Variants in PTPRD observed in about 807,000 individuals in gnomAD.
PTPRD encodes the protein receptor-type tyrosine-protein phosphatase delta.
In PTPRD, 34 loss-of-function variants were observed where a neutral mutation model predicts 214.5. That is an observed-to-expected ratio of 0.16 (90% CI 0.12 to 0.21). The LOEUF (loss-of-function observed/expected upper bound fraction) is 0.21, where lower values mean the gene tolerates loss of function less well. Ranked by LOEUF, PTPRD falls within the 10% of genes least tolerant of loss-of-function variation. The pLI, the probability that PTPRD is intolerant of heterozygous loss-of-function variation, is 1.00. For missense variants in PTPRD, 2,545 were observed against 2,398.7 expected (o/e 1.06, Z -1.27); for synonymous variants, 1,128 against 845.7 (o/e 1.33, Z -5.79).
At chr9:9,685,980 C>T (rs190282748) in intron 7 of PTPRD, among the ~76,000 whole-genome samples, 13 of 151,208 alleles carry the variant, frequency 8.6e-5, no homozygotes, top group Middle Eastern at 3.4e-3. Flanking sequence ...GTATTGGTAA[C>T]TGAAAAAATC....
chr9:9,590,269 T>G (rs1393385818), intron 7 of PTPRD, among the ~76,000 whole-genome samples: 1 of 152,028 alleles, frequency 6.6e-6, no homozygotes, highest in Non-Finnish European at 1.5e-5. Flanking sequence ...TATGACAGAA[T>G]GTGAGCTCCT....
intron 7 of PTPRD, among the ~76,000 whole-genome samples, chr9:9,641,701 ACAGGAT>A (rs1192723103): frequency 6.6e-6 from 1 of 152,228 alleles, no homozygotes; most frequent in East Asian, 1.9e-4. Context: ...GGAATTTTTA[ACAGGAT>A]CCATTTAGGA....
At chr9:10,355,441 A>C (rs1378555603) in intron 2 of PTPRD, among the ~76,000 whole-genome samples, 3 of 151,772 alleles carry the variant, frequency 2.0e-5, no homozygotes, top group Middle Eastern at 3.2e-3. Context: ...CTTCTGTTCT[A>C]TAGACGACAC....
chr9:9,229,854 TAGGA>T (rs1234345096), intron 9 of PTPRD, among the ~76,000 whole-genome samples: 1 of 152,110 alleles, frequency 6.6e-6, no homozygotes, highest in African/African-American at 2.4e-5. Flanking sequence ...CATATTTGGT[TAGGA>T]AGACTGATAG....
At chr9:9,254,153 G>A (rs1392260006) in intron 9 of PTPRD, among the ~76,000 whole-genome samples, 2 of 152,036 alleles carry the variant, frequency 1.3e-5, no homozygotes, top group Non-Finnish European at 2.9e-5. Context: ...CCAAATAAGT[G>A]ATATTAATAG....
intron 44 of PTPRD, among the ~76,000 whole-genome samples, 188 bp from the exon 45 acceptor site, chr9:8,320,154 A>G (rs1232897786): frequency 6.6e-6 from 1 of 152,140 alleles, no homozygotes; most frequent in Non-Finnish European, 1.5e-5. Flanking sequence ...AGCATGTGAT[A>G]ATGAGGATGA....
intron 3 of PTPRD, among the ~76,000 whole-genome samples, chr9:10,228,168 G>A (rs533218581): frequency 6.6e-6 from 1 of 151,912 alleles, no homozygotes; most frequent in Non-Finnish European, 1.5e-5. Flanking sequence ...ATAAAATCTT[G>A]GAACACAACT....
chr9:10,323,043 A>T (rs759087405), intron 3 of PTPRD, among the ~76,000 whole-genome samples: 10 of 152,062 alleles, frequency 6.6e-5, no homozygotes, highest in Non-Finnish European at 1.2e-4. Flanking sequence ...CTATTGAAGA[A>T]ACTATTGCTT....
chr9:10,018,096 G>C (rs910602433), intron 4 of PTPRD, among the ~76,000 whole-genome samples: 6 of 151,824 alleles, frequency 4.0e-5, no homozygotes, highest in African/African-American at 1.5e-4. Flanking sequence ...TAGATTATTA[G>C]GTTATGAAAT....
At chr9:8,386,273 G>A (rs2087000484) in intron 37 of PTPRD, among the ~76,000 whole-genome samples, 1 of 152,128 alleles carries the variant, frequency 6.6e-6, no homozygotes, top group Non-Finnish European at 1.5e-5. Context: ...TCCCATAGCT[G>A]TCCTCTCTCA....
At chr9:8,936,551 T>C (rs751196099) in intron 11 of PTPRD, among the ~76,000 whole-genome samples, 1 of 152,010 alleles carries the variant, frequency 6.6e-6, no homozygotes, top group Non-Finnish European at 1.5e-5. Flanking sequence ...ATAATTGGTT[T>C]AGTTTTCAGT....
intron 3 of PTPRD, among the ~76,000 whole-genome samples, chr9:10,281,554 T>G (rs1296027265): frequency 2.6e-5 from 4 of 152,172 alleles, no homozygotes; most frequent in Non-Finnish European, 5.9e-5. Context: ...GGCATTTTAA[T>G]TTTTTTACTT....
At chr9:8,444,403 T>A (rs2095650031) in intron 34 of PTPRD, among the ~76,000 whole-genome samples, 1 of 152,154 alleles carries the variant, frequency 6.6e-6, no homozygotes, top group Non-Finnish European at 1.5e-5. Flanking sequence ...TACTCTATAT[T>A]ATATCATTTA....
intron 8 of PTPRD, among the ~76,000 whole-genome samples, chr9:9,455,483 T>C (rs1569568484): frequency 6.6e-6 from 1 of 151,630 alleles, no homozygotes; most frequent in South Asian, 2.1e-4. Context: ...ACAGGTTAAA[T>C]AAGAGATCTG....
Position 9,595,477 on chromosome 9 carries a change from T to C in PTPRD, c.-286-20696A>G, listed in dbSNP as rs530946194. Among the ~76,000 whole-genome samples, 16 of 150,668 alleles carry C rather than the reference T, an allele frequency of 1.1e-4. 1 individual carries two copies. Among genetic ancestry groups the C allele is most frequent in the African/African-American group, 3.4e-4 (14 of 41,082 alleles). The stretch of plus-strand genomic sequence containing the variant: ...ACATGTACGCATATGTACACATGCA[T>C]ACACATGTATGCATATGTACACATG... On this transcript the variant is annotated intron_variant, in intron 7 of 45. Transcript: ENST00000381196.
chr9:9,016,330 G>A (rs1384402528), intron 11 of PTPRD, among the ~76,000 whole-genome samples: 1 of 152,034 alleles, frequency 6.6e-6, no homozygotes, highest in Non-Finnish European at 1.5e-5. Context: ...TAATATACAT[G>A]GGCTGTGGAA....
chr9:9,499,632 G>A (rs763422201), intron 8 of PTPRD, among the ~76,000 whole-genome samples: 8 of 151,978 alleles, frequency 5.3e-5, no homozygotes, highest in Non-Finnish European at 1.2e-4. Context: ...TGGTATATGG[G>A]CAAACATTCT....
chr9:9,852,955 A>G (rs2153669280), intron 5 of PTPRD, among the ~76,000 whole-genome samples: 1 of 152,300 alleles, frequency 6.6e-6, no homozygotes, highest in East Asian at 1.9e-4. Context: ...GTGTTCCACA[A>G]ACAAGGTTTT....
intron 5 of PTPRD, among the ~76,000 whole-genome samples, chr9:9,887,210 A>C (rs2071283063): frequency 6.6e-6 from 1 of 152,130 alleles, no homozygotes; most frequent in East Asian, 1.9e-4. Flanking sequence ...ATCATAGCAG[A>C]ATTGTTTGTT....
Sources: allele counts gnomAD v4.1 joint callset (sites outside exome capture counted in the v4.1 genomes callset), GRCh38; gene constraint gnomAD v4.1.1; transcripts MANE v1.5; gene names NCBI Gene and HGNC (gene_info 2026-07-23, HGNC 2026-07-21).